The following AGBL4 variants were observed in gnomAD, a reference collection of about 807,000 sequenced individuals.
The protein encoded by AGBL4 is cytosolic carboxypeptidase 6.
Under a neutral mutation model 66.4 loss-of-function variants are expected in AGBL4, and 58 were observed. The observed-to-expected ratio is 0.87, with a 90% CI of 0.71 to 1.09. The LOEUF is 1.09. AGBL4 is among the 50% of genes least tolerant of loss of function. The pLI is 0.00. For synonymous variants in AGBL4, 234 were observed against 222.9 expected (o/e 1.05, Z -0.44); for missense variants, 579 against 631.0 (o/e 0.92, Z 0.88).
At chr1:48,940,350 C>G (rs1655862205) in intron 5 of AGBL4, among the ~76,000 whole-genome samples, 1 of 152,092 alleles carries the variant, frequency 6.6e-6, no homozygotes, top group African/African-American at 2.4e-5. Flanking sequence ...TGCACTCCAA[C>G]CTGGGCAACA....
chr1:49,117,819 C>T (rs1645559988), intron 4 of AGBL4, among the ~76,000 whole-genome samples: 1 of 152,136 alleles, frequency 6.6e-6, no homozygotes, highest in Non-Finnish European at 1.5e-5. Context: ...GCAGTATGGC[C>T]ATCTTCACTG....
chr1:48,993,435 T>C (rs559935657), intron 5 of AGBL4, among the ~76,000 whole-genome samples: 1 of 152,224 alleles, frequency 6.6e-6, no homozygotes, highest in East Asian at 1.9e-4. Context: ...TGAGATGTGC[T>C]GAAGGGGTCT....
At chr1:49,620,500 A>G (rs1050488397) in intron 3 of AGBL4, among the ~76,000 whole-genome samples, 7 of 152,218 alleles carry the variant, frequency 4.6e-5, no homozygotes, top group African/African-American at 1.4e-4. Context: ...AGAAACAGGA[A>G]TGCTTTTACA....
chr1:49,011,022 T>C (rs1662358719), intron 5 of AGBL4, among the ~76,000 whole-genome samples: 1 of 151,874 alleles, frequency 6.6e-6, no homozygotes, highest in South Asian at 2.1e-4. Flanking sequence ...AAGACAAAAT[T>C]GACAAATGGG....
chr1:49,135,529 G>A (rs1162203554), intron 4 of AGBL4, among the ~76,000 whole-genome samples: 1 of 152,038 alleles, frequency 6.6e-6, no homozygotes, highest in Non-Finnish European at 1.5e-5. Context: ...TTACCCACAT[G>A]TTTATTAACA....
chr1:48,966,613 A>G (rs1002949815), intron 5 of AGBL4, among the ~76,000 whole-genome samples: 13 of 152,172 alleles, frequency 8.5e-5, no homozygotes, highest in Non-Finnish European at 1.2e-4. Flanking sequence ...AATGATGAAA[A>G]AACTCTAATG....
intron 3 of AGBL4, among the ~76,000 whole-genome samples, chr1:49,450,119 T>C (rs1646246484): frequency 6.6e-6 from 1 of 152,120 alleles, no homozygotes; most frequent in Non-Finnish European, 1.5e-5. Flanking sequence ...GTAAAAATGT[T>C]TCTTTATCTT....
chr1:49,070,598 G>C lies in AGBL4; in HGVS notation c.378-24798C>G, dbSNP rs938233209. On this transcript the variant is annotated intron_variant, in intron 4 of 13. Transcript: ENST00000371839. ...GGATGAAACCGACTTGATTGTGGTGGATAAGCTTTTTGATGTGCTGCTGGA... is the reference window on the plus strand; with the variant it reads ...GGATGAAACCGACTTGATTGTGGTGCATAAGCTTTTTGATGTGCTGCTGGA... Among the ~76,000 whole-genome samples the C allele has an allele frequency of 3.9e-5, 6 of 152,074 alleles. 1 individual carries two copies. Among genetic ancestry groups the C allele is most frequent in the South Asian group, 4.1e-4 (2 of 4,826 alleles).
Position 49,517,821 on chromosome 1 carries a change from G to A in AGBL4, c.282+179492C>T, listed in dbSNP as rs942678856. On this transcript the variant is annotated intron_variant, in intron 3 of 13. Coordinates refer to ENST00000371839, the MANE Select transcript of AGBL4 (RefSeq NM_032785.4). ...AGCATTTACAACCATAAATATATAT[G>A]TACTATTTTAAAAGGTAAATGTACC... 4.6e-5 allele frequency among the ~76,000 whole-genome samples: 7 copies of A among 151,982 alleles called. No homozygotes were observed. In the South Asian group the frequency reaches 1.2e-3, roughly 27 times the overall value.
At chr1:48,591,810 A>G (rs1644923220) in intron 9 of AGBL4, among the ~76,000 whole-genome samples, 1 of 152,152 alleles carries the variant, frequency 6.6e-6, no homozygotes, top group Non-Finnish European at 1.5e-5. Flanking sequence ...TCTGCTCTTT[A>G]CTTACACATA....
chr1:49,740,554 T>C (rs1445830589), intron 2 of AGBL4, among the ~76,000 whole-genome samples: 1 of 152,178 alleles, frequency 6.6e-6, no homozygotes, highest in African/African-American at 2.4e-5. Flanking sequence ...GCAGACCTAA[T>C]AGACACCTAC....
chr1:48,740,389 A>G (rs948516217), intron 6 of AGBL4, among the ~76,000 whole-genome samples: 7 of 152,170 alleles, frequency 4.6e-5, no homozygotes, highest in Admixed American at 6.5e-5. Context: ...TTCTCTGGAT[A>G]TGTTTCCCTA....
intron 6 of AGBL4, among the ~76,000 whole-genome samples, chr1:48,866,166 G>A (rs1648049579): frequency 6.6e-6 from 1 of 152,170 alleles, no homozygotes; most frequent in African/African-American, 2.4e-5. Flanking sequence ...CTAGGATAGT[G>A]ACTACAGAGG....
chr1:49,552,929 C>T (rs1653086142), intron 3 of AGBL4, among the ~76,000 whole-genome samples: 1 of 152,032 alleles, frequency 6.6e-6, no homozygotes, highest in Admixed American at 6.5e-5. Context: ...ATTAATTAGA[C>T]AAATATTCAC....
chr1:49,249,673 A>G (rs1651899784), intron 3 of AGBL4, among the ~76,000 whole-genome samples: 1 of 152,208 alleles, frequency 6.6e-6, no homozygotes. Context: ...GTTCCTCAAA[A>G]TACTAAAAAG....
intron 1 of AGBL4, among the ~76,000 whole-genome samples, chr1:49,909,370 G>A (rs534828150): frequency 2.6e-5 from 4 of 152,110 alleles, no homozygotes; most frequent in African/African-American, 4.8e-5. Flanking sequence ...TTTAAATAGG[G>A]TGGTCAGAAA....
chr1:49,400,455 T>C (rs1645060588), intron 3 of AGBL4, among the ~76,000 whole-genome samples: 1 of 152,162 alleles, frequency 6.6e-6, no homozygotes, highest in Admixed American at 6.5e-5. Context: ...GCATTGAATC[T>C]GTAGATTGCT....
chr1:49,748,492 A>G (rs988883260), intron 2 of AGBL4, among the ~76,000 whole-genome samples: 5 of 152,168 alleles, frequency 3.3e-5, no homozygotes, highest in Non-Finnish European at 5.9e-5. Context: ...TGGCTTTATT[A>G]TAGAATGATT....
chr1:49,180,801 T>C (rs979093231), intron 4 of AGBL4, among the ~76,000 whole-genome samples: 1 of 152,220 alleles, frequency 6.6e-6, no homozygotes, highest in Non-Finnish European at 1.5e-5. Flanking sequence ...ACATGGGACA[T>C]GCACCCTGTA....
Sources: gnomAD v4.1 joint callset for allele counts (sites outside exome capture counted in the v4.1 genomes callset) on GRCh38, gnomAD v4.1.1 for gene constraint, MANE v1.5 for transcripts, NCBI Gene and HGNC (gene_info 2026-07-23, HGNC 2026-07-21) for gene names.